AKAP9: variants seen among roughly 807,000 people sequenced by gnomAD.
The protein encoded by AKAP9 is A-kinase anchor protein 9.
A neutral mutation model predicts 488.5 loss-of-function variants in AKAP9; 311 were observed. The ratio of observed to expected loss-of-function variants is 0.64; its 90% CI spans 0.58 to 0.70. AKAP9 has a LOEUF of 0.70. Ranked by LOEUF, AKAP9 falls within the 30% of genes least tolerant of loss-of-function variation. The pLI, the probability that AKAP9 is intolerant of heterozygous loss-of-function variation, is 0.00. For missense variants in AKAP9, 4,215 were observed against 4,374.5 expected (o/e 0.96, Z 1.03); for synonymous variants, 1,462 against 1,483.5 (o/e 0.99, Z 0.33).
chr7:92,024,488 G>C (rs1802807311), intron 14 of AKAP9, among the ~76,000 whole-genome samples: 1 of 150,764 alleles, frequency 6.6e-6, no homozygotes, highest in Non-Finnish European at 1.5e-5. Context: ...AAATTTGGAG[G>C]GGGTAGATTC....
intron 22 of AKAP9, among the ~76,000 whole-genome samples, chr7:92,057,042 T>C (rs1327233243): frequency 1.3e-5 from 2 of 152,082 alleles, no homozygotes; most frequent in Non-Finnish European, 2.9e-5. Context: ...GGCTATTCTA[T>C]ATAACTTGGG....
At chr7:92,057,989 A>G (rs899737005) in intron 22 of AKAP9, 4 of 233,352 alleles carry the variant, frequency 1.7e-5, no homozygotes, top group African/African-American at 9.0e-5. Flanking sequence ...TTTTTCCTGG[A>G]CTTTCCCCTT....
intron 9 of AKAP9, 146 bp from the exon 10 acceptor site, chr7:92,014,103 T>C: frequency 1.5e-6 from 1 of 664,734 alleles, no homozygotes; most frequent in Non-Finnish European, 2.7e-6. Context: ...TGAGACAATG[T>C]TGAGCAATGG....
intron 28 of AKAP9, among the ~76,000 whole-genome samples, chr7:92,073,188 T>C (rs1812004199): frequency 6.6e-6 from 1 of 151,902 alleles, no homozygotes; most frequent in Non-Finnish European, 1.5e-5. Flanking sequence ...TTGAAAGAGA[T>C]AAAAACACTT....
At chr7:92,013,477 G>A (rs1387701559) in intron 9 of AKAP9, among the ~76,000 whole-genome samples, 1 of 152,148 alleles carries the variant, frequency 6.6e-6, no homozygotes, top group African/African-American at 2.4e-5. Context: ...TATGCTGTTG[G>A]TGATAAGACC....
chr7:92,041,965 G>T (rs1584281041), intron 18 of AKAP9, 81 bp from the exon 19 acceptor site: 22 of 1,505,876 alleles, frequency 1.5e-5, no homozygotes, highest in Non-Finnish European at 1.7e-5. Context: ...GGTCCCGGGG[G>T]TTAAAAGAAA....
chr7:92,000,458 G>A (rs1799015421), intron 7 of AKAP9, among the ~76,000 whole-genome samples: 1 of 152,124 alleles, frequency 6.6e-6, no homozygotes, highest in South Asian at 2.1e-4. Flanking sequence ...CTTTCTGAAT[G>A]TGTCTAGAGT....
chr7:91,948,854 T>G (rs1393402744), intron 1 of AKAP9, among the ~76,000 whole-genome samples: 1 of 151,770 alleles, frequency 6.6e-6, no homozygotes, highest in Non-Finnish European at 1.5e-5. Context: ...CCTCAGGTGA[T>G]CTGCCCGCCT....
chr7:91,959,494 A>G (rs1326713752), intron 1 of AKAP9, among the ~76,000 whole-genome samples: 2 of 151,770 alleles, frequency 1.3e-5, no homozygotes, highest in African/African-American at 4.8e-5. Flanking sequence ...TTTTTAAGAG[A>G]TGGATCTTGT....
At chr7:91,981,392 G>A (rs1796389142) in intron 3 of AKAP9, among the ~76,000 whole-genome samples, 1 of 151,938 alleles carries the variant, frequency 6.6e-6, no homozygotes, top group Non-Finnish European at 1.5e-5. Context: ...TAACAACTAA[G>A]TATATAGTAA....
At chr7:92,096,005 C>T (rs143609168) in intron 40 of AKAP9, among the ~76,000 whole-genome samples, 1 of 152,214 alleles carries the variant, frequency 6.6e-6, no homozygotes, top group African/African-American at 2.4e-5. Context: ...TCAGGAACTC[C>T]TATCACATTA....
intron 7 of AKAP9, 132 bp downstream of exon 7, chr7:91,995,932 T>C: frequency 1.4e-6 from 1 of 697,572 alleles, no homozygotes; most frequent in Non-Finnish European, 2.4e-6. Flanking sequence ...GTAATTTATT[T>C]CAAAAGCAAA....
Position 92,085,998 on chromosome 7 carries a change from G to A in AKAP9, c.9025-230G>A, listed in dbSNP as rs186191805. Among the ~76,000 whole-genome samples, 508 of 152,182 alleles carry A rather than the reference G, an allele frequency of 3.3e-3. 3 individuals carry two copies. The highest frequency in any genetic ancestry group is 5.1e-3 in the Non-Finnish European group (348 of 67,994). On this transcript the variant is annotated intron_variant, in intron 36 of 49. Coordinates refer to ENST00000356239, the MANE Select transcript of AKAP9 (RefSeq NM_005751.5). ...GGTGCCTGTAATCCCAGCTACTCAG[G>A]AGAATCGCTTGAACCTGGGAGGTGG...
rs373331690 is a variant in AKAP9 at position 91,944,565 on chromosome 7, T to G, written c.48+3418T>G. Among the ~76,000 whole-genome samples, 4 of 152,212 alleles carry G rather than the reference T, an allele frequency of 2.6e-5. 1 individual carries two copies. ...CCACGCCTGGCTAATTTTTGTATTT[T>G]TAGTAGAGATGGGGTTTCACCATGT... On this transcript the variant is annotated intron_variant, in intron 1 of 49. Coordinates refer to ENST00000356239, the MANE Select transcript of AKAP9 (RefSeq NM_005751.5).
At chr7:92,087,713 G>A (rs191661067) in intron 37 of AKAP9, among the ~76,000 whole-genome samples, 1 of 151,762 alleles carries the variant, frequency 6.6e-6, no homozygotes, top group Non-Finnish European at 1.5e-5. Flanking sequence ...TGGCAAGTAA[G>A]GAATTGTTCA....
intron 23 of AKAP9, 53 bp from the exon 24 acceptor site, chr7:92,062,218 AGTG>A (rs1451869830): frequency 4.1e-6 from 6 of 1,446,166 alleles, no homozygotes; most frequent in Non-Finnish European, 5.8e-6. Context: ...ATTAAAACCT[AGTG>A]GTTGAATTTG....
chr7:91,952,168 GAGAT>G lies in AKAP9; in HGVS notation c.48+11024_48+11027del, dbSNP rs368756551. Among the ~76,000 whole-genome samples the G allele has an allele frequency of 2.4e-3, 366 of 152,290 alleles. 3 individuals carry two copies. Among genetic ancestry groups the G allele is most frequent in the African/African-American group, 8.4e-3 (349 of 41,562 alleles). ...CTTTATGCAAGTCAGTGGGAATTCAGAGATAGTCACAAGCTTGCCTCTGATACTT... is the reference window on the plus strand; with the variant it reads ...CTTTATGCAAGTCAGTGGGAATTCAGAGTCACAAGCTTGCCTCTGATACTT... On this transcript the variant is annotated intron_variant, in intron 1 of 49. Transcript: ENST00000356239.
At position 92,083,270 on chromosome 7, in the gene AKAP9, A is replaced by G. The variant is rs773685795; in HGVS notation, c.8261A>G (p.Asp2754Gly). The change falls in exon 33 of 50, where the codon GAT becomes GGT. Residue 2754 changes from aspartate (D) to glycine (G), a missense_variant. By Grantham distance (94) the Asp-to-Gly change is moderately conservative (BLOSUM62 -1). Around this residue, in one of 5 missense-constraint regions of AKAP9, gnomAD observed 1,476 missense variants for 1,477.4 expected, o/e 1.00. Transcript: ENST00000356239. ...KEKLSILEKE[D>G]ETEVQESKKA... is the part of the protein sequence containing the mutation. ...AAATTGTCCATTTTAGAAAAAGAAG[A>G]TGAGACTGAGGTACAAGAAAGCAAA... 6 of 1,614,148 alleles carry G rather than the reference A, an allele frequency of 3.7e-6. No individual in the cohort carries two copies. The highest frequency in any genetic ancestry group is 5.1e-6 in the Non-Finnish European group (6 of 1,180,026).
At chr7:91,941,322 T>G (rs915135777) in intron 1 of AKAP9, among the ~76,000 whole-genome samples, 175 bp downstream of exon 1, 2 of 152,216 alleles carry the variant, frequency 1.3e-5, no homozygotes, top group African/African-American at 2.4e-5. Flanking sequence ...CTTTTTCCAG[T>G]TGGGGGACAA....
Sources: allele counts gnomAD v4.1 joint callset (sites outside exome capture counted in the v4.1 genomes callset), GRCh38; gene constraint gnomAD v4.1.1; regional missense constraint gnomAD v4.1.1; transcripts MANE v1.5; gene names NCBI Gene and HGNC (gene_info 2026-07-23, HGNC 2026-07-21).